Variants in RORA observed in about 807,000 individuals in gnomAD.
RORA encodes RAR related orphan receptor A.
RORA carries 7 observed loss-of-function variants against 69.5 expected under a neutral mutation model. The ratio of observed to expected loss-of-function variants is 0.10; its 90% confidence interval spans 0.06 to 0.19. The LOEUF (loss-of-function observed/expected upper bound fraction) is 0.19. RORA is among the 10% of genes least tolerant of loss of function. The pLI is 1.00. For synonymous variants in RORA, 261 were observed against 240.8 expected (o/e 1.08, Z -0.78); for missense variants, 457 against 663.0 (o/e 0.69, Z 3.41).
intron 2 of RORA, among the ~76,000 whole-genome samples, chr15:60,616,864 T>G (rs1180353366): frequency 1.3e-5 from 2 of 152,238 alleles, no homozygotes; most frequent in Admixed American, 1.3e-4. Flanking sequence ...ACCCCCCTTG[T>G]TCTCAGACCA....
chr15:60,832,061 G>A (rs1595750631), intron 1 of RORA, among the ~76,000 whole-genome samples: 1 of 152,186 alleles, frequency 6.6e-6, no homozygotes, highest in East Asian at 1.9e-4. Context: ...AAAAAAATTT[G>A]TATGTTATCG....
intron 2 of RORA, among the ~76,000 whole-genome samples, chr15:60,538,247 A>G (rs949492842): frequency 3.3e-5 from 5 of 152,186 alleles, no homozygotes; most frequent in South Asian, 2.1e-4. Context: ...AATTCAGCTA[A>G]GAGGTGGAGT....
At chr15:61,164,712 A>G (rs2079526118) in intron 1 of RORA, among the ~76,000 whole-genome samples, 1 of 152,068 alleles carries the variant, frequency 6.6e-6, no homozygotes, top group African/African-American at 2.4e-5. Flanking sequence ...CTAAATTAAC[A>G]CTATGTTCTG....
chr15:61,215,525 T>C (rs1051533067), intron 1 of RORA, among the ~76,000 whole-genome samples: 3 of 152,244 alleles, frequency 2.0e-5, no homozygotes, highest in African/African-American at 7.2e-5. Context: ...TTGACTTGAC[T>C]TGTCATAATT....
chr15:60,630,517 C>A (rs1013153090), intron 2 of RORA: 3 of 152,196 alleles, frequency 2.0e-5, no homozygotes, highest in African/African-American at 4.8e-5. Context: ...CAGTGGAGCT[C>A]CCCAGGCTCC....
At chr15:60,532,062 G>C (rs973523658) in intron 2 of RORA, among the ~76,000 whole-genome samples, 2 of 152,262 alleles carry the variant, frequency 1.3e-5, no homozygotes, top group Middle Eastern at 3.4e-3. Context: ...TATTAAAATG[G>C]GTCATTTGAG....
intron 2 of RORA, among the ~76,000 whole-genome samples, chr15:60,579,144 C>T (rs528728858): frequency 2.3e-4 from 35 of 151,140 alleles, no homozygotes; most frequent in African/African-American, 5.4e-4. Context: ...TTGGCATTAC[C>T]GTCCTGCTTC....
intron 2 of RORA, among the ~76,000 whole-genome samples, chr15:60,642,896 G>C (rs1320056111): frequency 6.6e-6 from 1 of 151,770 alleles, no homozygotes; most frequent in Non-Finnish European, 1.5e-5. Flanking sequence ...ATACAGGCTG[G>C]GCCCGGTGGC....
intron 1 of RORA, among the ~76,000 whole-genome samples, chr15:60,804,274 G>A (rs2140360506): frequency 1.1e-5 from 1 of 91,382 alleles, no homozygotes; most frequent in Admixed American, 1.8e-4. Flanking sequence ...GGCAACAAGA[G>A]CAAACTCCAT....
intron 1 of RORA, among the ~76,000 whole-genome samples, chr15:60,887,251 A>G (rs2073761892): frequency 6.6e-6 from 1 of 152,164 alleles, no homozygotes; most frequent in Non-Finnish European, 1.5e-5. Context: ...AAAGCATATG[A>G]GATTTGCAAC....
At chr15:61,117,679 CAA>C (rs1334690485) in intron 1 of RORA, among the ~76,000 whole-genome samples, 2 of 152,142 alleles carry the variant, frequency 1.3e-5, no homozygotes, top group Non-Finnish European at 2.9e-5. Flanking sequence ...TTGAATCTTT[CAA>C]AGTTATTCCC....
chr15:60,906,759 A>G (rs570057113), intron 1 of RORA, among the ~76,000 whole-genome samples: 2 of 152,316 alleles, frequency 1.3e-5, no homozygotes, highest in Non-Finnish European at 2.9e-5. Context: ...ACGGTGGTTA[A>G]TAATAACTAA....
chr15:60,882,143 T>A (rs548449548), intron 1 of RORA, among the ~76,000 whole-genome samples: 95 of 152,304 alleles, frequency 6.2e-4, no homozygotes, highest in Admixed American at 2.1e-3. Flanking sequence ...CTACAAAGCA[T>A]GCTGGCGAAC....
Position 60,806,191 on chromosome 15 carries a change from A to T in RORA, c.167-127505T>A, listed in dbSNP as rs12050543. Among the ~76,000 whole-genome samples the T allele has an allele frequency of 5.8e-4, 89 of 152,326 alleles. No individual in the cohort carries two copies. In the East Asian group the frequency reaches 0.013, roughly 23 times the overall value. The stretch of plus-strand genomic sequence containing the variant: ...CTTTTGATTTCTTGTTAAGAACCCA[A>T]GGCGGGAAAAAAATGCAAGGAGATT... On this transcript the variant is annotated intron_variant, in intron 1 of 10. Transcript: ENST00000335670.
intron 1 of RORA, among the ~76,000 whole-genome samples, chr15:61,118,731 C>A (rs1307237454): frequency 1.3e-5 from 2 of 152,100 alleles, no homozygotes; most frequent in African/African-American, 4.8e-5. Flanking sequence ...GGTGACGCTA[C>A]CCCTGCCAAA....
intron 1 of RORA, among the ~76,000 whole-genome samples, chr15:61,143,564 T>C (rs1457440844): frequency 6.6e-6 from 1 of 152,218 alleles, no homozygotes; most frequent in Non-Finnish European, 1.5e-5. Flanking sequence ...GAACAGTTTG[T>C]TATTAGCAAA....
intron 1 of RORA, among the ~76,000 whole-genome samples, chr15:60,978,266 G>C (rs947049269): frequency 3.3e-5 from 5 of 152,106 alleles, no homozygotes; most frequent in African/African-American, 1.2e-4. Context: ...TAATTTTCAT[G>C]TGTTCTTTCA....
chr15:60,833,632 T>A (rs943823523), intron 1 of RORA, among the ~76,000 whole-genome samples: 3 of 152,200 alleles, frequency 2.0e-5, no homozygotes, highest in African/African-American at 7.2e-5. Flanking sequence ...CCAATCTCCT[T>A]TACCGTTTTT....
intron 1 of RORA, among the ~76,000 whole-genome samples, chr15:60,750,118 A>G (rs1056989443): frequency 6.6e-6 from 1 of 152,208 alleles, no homozygotes; most frequent in African/African-American, 2.4e-5. Context: ...CTACATCCCT[A>G]CAGATGGATA....
Sources: allele counts gnomAD v4.1 joint callset (sites outside exome capture counted in the v4.1 genomes callset), GRCh38; gene constraint gnomAD v4.1.1; transcripts MANE v1.5; gene names NCBI Gene and HGNC (gene_info 2026-07-23, HGNC 2026-07-21).